The following ABI1 variants were observed in gnomAD, a reference collection of about 807,000 sequenced individuals.
The protein encoded by ABI1 is abl interactor 1, also known as Abelson interactor 1.
Under a neutral mutation model 54.6 loss-of-function variants are expected in ABI1, and 14 were observed. That is an observed-to-expected ratio of 0.26 (90% CI 0.17 to 0.40). The LOEUF is 0.40. Among genes scored for constraint, ABI1 ranks in the 10% least tolerant of loss-of-function variants. The pLI is 1.00. For synonymous variants in ABI1, 194 were observed against 209.3 expected (o/e 0.93, Z 0.63); for missense variants, 443 against 598.3 (o/e 0.74, Z 2.71).
At chr10:26,820,410 T>C (rs2047893910) in intron 2 of ABI1, among the ~76,000 whole-genome samples, 1 of 151,828 alleles carries the variant, frequency 6.6e-6, no homozygotes, top group African/African-American at 2.4e-5. Flanking sequence ...AGAAATTAAA[T>C]TAGAAAAATC....
chr10:26,772,133 G>C (rs531787037), intron 3 of ABI1, among the ~76,000 whole-genome samples: 114 of 152,108 alleles, frequency 7.5e-4, no homozygotes, highest in African/African-American at 2.7e-3. Flanking sequence ...AACTGTGCGA[G>C]AAATTTGGTA....
At chr10:26,770,896 T>C (rs559161305) in intron 4 of ABI1, among the ~76,000 whole-genome samples, 179 bp downstream of exon 4, 1 of 152,324 alleles carries the variant, frequency 6.6e-6, no homozygotes, top group Admixed American at 6.5e-5. Flanking sequence ...CATTGATATA[T>C]TAACACAGCC....
intron 1 of ABI1, among the ~76,000 whole-genome samples, chr10:26,853,528 A>AC (rs1181795847): frequency 1.4e-5 from 2 of 138,262 alleles, no homozygotes; most frequent in Non-Finnish European, 3.1e-5. Flanking sequence ...ATTTTACCTT[A>AC]CTTTTTTTTT....
At chr10:26,792,932 T>G (rs531415398) in intron 2 of ABI1, among the ~76,000 whole-genome samples, 1 of 152,278 alleles carries the variant, frequency 6.6e-6, no homozygotes, top group East Asian at 1.9e-4. Context: ...AGAAAAATCC[T>G]TCTTAATCAT....
At chr10:26,749,812 G>A (rs772663193) in intron 10 of ABI1, among the ~76,000 whole-genome samples, 8 of 152,204 alleles carry the variant, frequency 5.3e-5, no homozygotes, top group Non-Finnish European at 1.2e-4. Context: ...ACTTACTCAT[G>A]TATTGTCTAT....
At chr10:26,836,198 C>T (rs1182565008) in intron 1 of ABI1, among the ~76,000 whole-genome samples, 2 of 151,956 alleles carry the variant, frequency 1.3e-5, no homozygotes, top group African/African-American at 4.8e-5. Flanking sequence ...ATGCAACCTC[C>T]ACCTCCCAGG....
chr10:26,776,940 G>A (rs1345290677), intron 3 of ABI1, 125 bp downstream of exon 3: 2 of 847,838 alleles, frequency 2.4e-6, no homozygotes, highest in African/African-American at 3.5e-5. Flanking sequence ...ATTAAATATT[G>A]TATGAAAATT....
intron 3 of ABI1, 73 bp downstream of exon 3, chr10:26,776,992 A>T: frequency 7.9e-7 from 1 of 1,265,200 alleles, no homozygotes; most frequent in Non-Finnish European, 1.1e-6. Context: ...AATCATCTTT[A>T]TGACAATATT....
At chr10:26,760,933 G>GTT (rs573922166) in intron 7 of ABI1, among the ~76,000 whole-genome samples, 2 of 127,950 alleles carry the variant, frequency 1.6e-5, no homozygotes, top group East Asian at 4.5e-4. Flanking sequence ...GCCTTTAACT[G>GTT]TTTTTTTTTT....
chr10:26,811,117 A>G (rs1321477541), intron 2 of ABI1, among the ~76,000 whole-genome samples: 2 of 152,160 alleles, frequency 1.3e-5, no homozygotes, highest in African/African-American at 4.8e-5. Flanking sequence ...CTAAGGTTAT[A>G]AGTAAGCTCA....
At chr10:26,777,346 A>T in intron 2 of ABI1, 105 bp from the exon 3 acceptor site, 1 of 763,718 alleles carries the variant, frequency 1.3e-6, no homozygotes, top group Non-Finnish European at 2.0e-6. Flanking sequence ...GCTGTACACC[A>T]TATGTCTATT....
At chr10:26,767,678 T>C (rs1001622379) in intron 6 of ABI1, among the ~76,000 whole-genome samples, 3 of 152,322 alleles carry the variant, frequency 2.0e-5, no homozygotes, top group Non-Finnish European at 4.4e-5. Context: ...TGGATACTTT[T>C]CTGAATGCTT....
chr10:26,834,868 C>T (rs761124581), intron 1 of ABI1, among the ~76,000 whole-genome samples: 1 of 151,772 alleles, frequency 6.6e-6, no homozygotes, highest in Non-Finnish European at 1.5e-5. Context: ...TTTGGGAGGC[C>T]GAGGCGGGCA....
At chr10:26,760,025 C>A (rs1209382020) in intron 7 of ABI1, among the ~76,000 whole-genome samples, 1 of 150,494 alleles carries the variant, frequency 6.6e-6, no homozygotes, top group Non-Finnish European at 1.5e-5. Context: ...CAAATCTATT[C>A]TCTTTCTCCA....
chr10:26,773,228 T>TTTTTTTTTTTTTTTTTTTGTGG, intron 3 of ABI1, among the ~76,000 whole-genome samples: 1 of 148,186 alleles, frequency 6.7e-6, no homozygotes, highest in African/African-American at 2.5e-5. Context: ...TTTTTTTTTT[T>TTTTTTTTTTTTTTTTTTTGTGG]GCTGGCTCTG....
chr10:26,827,234 TA>T (rs2048359446), intron 1 of ABI1, among the ~76,000 whole-genome samples: 3 of 146,468 alleles, frequency 2.0e-5, no homozygotes, highest in Non-Finnish European at 3.0e-5. Context: ...TCTTTTTTTT[TA>T]TCTCGAGACA....
rs1284589581 is a variant in ABI1 at position 26,748,751 on chromosome 10, G to GA, written c.1271-7dup. 23 of 1,601,658 alleles carry GA rather than the reference G, an allele frequency of 1.4e-5. No homozygotes were observed. The highest frequency in any genetic ancestry group is 1.9e-5 in the Non-Finnish European group (22 of 1,173,456). On this transcript the variant is annotated splice_polypyrimidine_tract_variant and splice_region_variant and intron_variant, in intron 10 of 10. Coordinates refer to ENST00000376140, the MANE Select transcript of ABI1 (RefSeq NM_001012750.3). ...ATAATCATATATTGCAACAACTATG[G>GA]AAAAAACAGTTGAAATATCACATGA... is the stretch of plus-strand genomic sequence containing the variant.
At chr10:26,836,670 T>C (rs2049102368) in intron 1 of ABI1, among the ~76,000 whole-genome samples, 2 of 152,186 alleles carry the variant, frequency 1.3e-5, no homozygotes, top group Admixed American at 6.5e-5. Flanking sequence ...ATAAGGCTAA[T>C]AGTACCTCCC....
intron 2 of ABI1, among the ~76,000 whole-genome samples, chr10:26,792,425 C>A (rs558745567): frequency 6.6e-6 from 1 of 152,082 alleles, no homozygotes; most frequent in South Asian, 2.1e-4. Context: ...GGAAAAAGGT[C>A]AAAATCCAAG....
Sources: gnomAD v4.1 joint callset for allele counts (sites outside exome capture counted in the v4.1 genomes callset) on GRCh38, gnomAD v4.1.1 for gene constraint, MANE v1.5 for transcripts, NCBI Gene and HGNC (gene_info 2026-07-23, HGNC 2026-07-21) for gene names.